Variants in STK32B observed in about 807,000 individuals in gnomAD.
STK32B encodes serine/threonine kinase 32B.
STK32B carries 43 observed loss-of-function variants against 52.6 expected under a neutral mutation model. The ratio of observed to expected loss-of-function variants is 0.82; its 90% CI spans 0.64 to 1.05. STK32B has a LOEUF of 1.05. Ranked by LOEUF, STK32B falls within the 50% of genes least tolerant of loss-of-function variation. The pLI, the probability that STK32B is intolerant of heterozygous loss-of-function variation, is 0.00. For missense variants in STK32B, 621 were observed against 534.6 expected (o/e 1.16, Z -1.59); for synonymous variants, 238 against 204.3 (o/e 1.17, Z -1.41).
chr4:5,318,296 C>T (rs1345397717), intron 3 of STK32B, among the ~76,000 whole-genome samples: 2 of 152,062 alleles, frequency 1.3e-5, no homozygotes, highest in East Asian at 1.9e-4. Context: ...CTTCTTAAAA[C>T]AGGCAGTGAA....
chr4:5,406,292 C>T (rs551490779), intron 5 of STK32B, among the ~76,000 whole-genome samples: 4 of 152,288 alleles, frequency 2.6e-5, no homozygotes, highest in Admixed American at 6.5e-5. Context: ...ACAGCCCCCT[C>T]GGCTGCCTTC....
At chr4:5,130,916 C>T (rs1715731507) in intron 1 of STK32B, among the ~76,000 whole-genome samples, 1 of 152,150 alleles carries the variant, frequency 6.6e-6, no homozygotes, top group Admixed American at 6.5e-5. Context: ...TTTTGTTATT[C>T]CTCATGTATA....
chr4:5,113,223 C>T (rs1017108435), intron 1 of STK32B, among the ~76,000 whole-genome samples: 8 of 152,094 alleles, frequency 5.3e-5, no homozygotes, highest in Admixed American at 5.2e-4. Flanking sequence ...GTACAGACCC[C>T]TCGTCTCTTT....
At chr4:5,230,694 TGTG>T (rs1207634056) in intron 3 of STK32B, among the ~76,000 whole-genome samples, 1 of 152,190 alleles carries the variant, frequency 6.6e-6, no homozygotes, top group East Asian at 1.9e-4. Context: ...GGGCTGGAGA[TGTG>T]GTGTTGAAGC....
intron 3 of STK32B, among the ~76,000 whole-genome samples, chr4:5,226,693 G>A (rs537746596): frequency 1.2e-4 from 19 of 152,222 alleles, no homozygotes; most frequent in African/African-American, 3.9e-4. Flanking sequence ...AAGTGAAGTT[G>A]GCAATTTGGA....
At chr4:5,357,438 G>T (rs913291861) in intron 4 of STK32B, among the ~76,000 whole-genome samples, 1 of 152,134 alleles carries the variant, frequency 6.6e-6, no homozygotes, top group Non-Finnish European at 1.5e-5. Flanking sequence ...TGCCAGGTCA[G>T]AGTACAGAAC....
intron 6 of STK32B, among the ~76,000 whole-genome samples, chr4:5,434,784 C>T (rs561457070): frequency 4.9e-4 from 74 of 152,266 alleles, no homozygotes; most frequent in African/African-American, 1.8e-3. Context: ...TTAGCTTTTC[C>T]AAGACATGAA....
intron 1 of STK32B, among the ~76,000 whole-genome samples, chr4:5,138,904 A>C (rs970689101): frequency 5.3e-5 from 8 of 152,186 alleles, no homozygotes; most frequent in South Asian, 2.1e-4. Flanking sequence ...GAAGGGAGGC[A>C]GGAGAAGCAG....
chr4:5,268,755 AC>A (rs1267505078), intron 3 of STK32B, among the ~76,000 whole-genome samples: 1 of 148,604 alleles, frequency 6.7e-6, no homozygotes. Context: ...CCTTTGAAAA[AC>A]CCCCTCTGCA....
chr4:5,160,178 A>G (rs1448818293), intron 2 of STK32B, among the ~76,000 whole-genome samples: 1 of 152,160 alleles, frequency 6.6e-6, no homozygotes, highest in Non-Finnish European at 1.5e-5. Flanking sequence ...CCAGACAACC[A>G]TGAGCCCGTT....
At chr4:5,105,773 C>T (rs976577004) in intron 1 of STK32B, among the ~76,000 whole-genome samples, 1 of 151,860 alleles carries the variant, frequency 6.6e-6, no homozygotes, top group Non-Finnish European at 1.5e-5. Flanking sequence ...CTGTGTTAGC[C>T]AGGATGGTCT....
intron 4 of STK32B, among the ~76,000 whole-genome samples, chr4:5,355,810 A>G (rs1196345161): frequency 6.6e-6 from 1 of 152,210 alleles, no homozygotes. Flanking sequence ...AACCACAGCT[A>G]TGCAACCTCT....
At chr4:5,052,863 A>T (rs980810328) in intron 1 of STK32B, among the ~76,000 whole-genome samples, 2 of 152,188 alleles carry the variant, frequency 1.3e-5, no homozygotes, top group Admixed American at 6.5e-5. Flanking sequence ...CTGAGCACTT[A>T]CTATGTTCCA....
chr4:5,479,268 C>T (rs1186198342), intron 11 of STK32B, among the ~76,000 whole-genome samples: 1 of 151,362 alleles, frequency 6.6e-6, no homozygotes, highest in African/African-American at 2.4e-5. Context: ...TACAGGCGCC[C>T]ACCACCACGC....
chr4:5,222,720 T>G (rs1036419485), intron 3 of STK32B, among the ~76,000 whole-genome samples: 3 of 151,994 alleles, frequency 2.0e-5, no homozygotes, highest in Admixed American at 2.0e-4. Flanking sequence ...TATAATAAAA[T>G]GCAAAAAGAA....
intron 5 of STK32B, 138 bp from the exon 6 acceptor site, chr4:5,416,707 A>T: frequency 1.7e-6 from 1 of 594,176 alleles, no homozygotes; most frequent in Non-Finnish European, 2.9e-6. Context: ...AAACATTTTT[A>T]AAGTATCAGA....
chr4:5,072,787 A>G (rs1711858146), intron 1 of STK32B, among the ~76,000 whole-genome samples: 1 of 152,140 alleles, frequency 6.6e-6, no homozygotes, highest in Non-Finnish European at 1.5e-5. Context: ...TTGCTTTTTA[A>G]AAAGATAATT....
chr4:5,335,718 G>A (rs1323790901), intron 4 of STK32B, among the ~76,000 whole-genome samples: 1 of 151,944 alleles, frequency 6.6e-6, no homozygotes, highest in African/African-American at 2.4e-5. Context: ...CTTTATTTCT[G>A]CCTTCATTTC....
chr4:5,344,584 T>C (rs1445617248), intron 4 of STK32B, among the ~76,000 whole-genome samples: 2 of 152,206 alleles, frequency 1.3e-5, no homozygotes, highest in Non-Finnish European at 1.5e-5. Flanking sequence ...AATATCTGCT[T>C]ATTAAATCAG....
Sources: gnomAD v4.1 joint callset for allele counts (sites outside exome capture counted in the v4.1 genomes callset) on GRCh38, gnomAD v4.1.1 for gene constraint, MANE v1.5 for transcripts, NCBI Gene and HGNC (gene_info 2026-07-23, HGNC 2026-07-21) for gene names.